Variants in LARGE1 observed in about 807,000 individuals in gnomAD.
The protein encoded by LARGE1 is xylosyl- and glucuronyltransferase LARGE1.
LARGE1 carries 43 observed loss-of-function variants against 87.6 expected under a neutral mutation model. The ratio of observed to expected loss-of-function variants is 0.49; its 90% CI spans 0.38 to 0.63. The LOEUF is 0.63. Among genes scored for constraint, LARGE1 ranks in the 30% least tolerant of loss-of-function variants. LARGE1 has a pLI of 0.00. For missense variants in LARGE1, 802 were observed against 1,000.2 expected (o/e 0.80, Z 2.67); for synonymous variants, 434 against 394.6 (o/e 1.10, Z -1.18).
chr22:33,522,291 G>A (rs760341901), intron 6 of LARGE1, among the ~76,000 whole-genome samples: 1 of 152,198 alleles, frequency 6.6e-6, no homozygotes, highest in Non-Finnish European at 1.5e-5. Context: ...TCTGTCACAG[G>A]CATTTTGTAG....
At chr22:33,099,231 AGAG>A in the LARGE1 span, among the ~76,000 whole-genome samples, 1 of 148,656 alleles carries the variant, frequency 6.7e-6, no homozygotes, top group Admixed American at 6.9e-5. Flanking sequence ...GGAGTGTGGA[AGAG>A]GAGGATGCTA....
chr22:33,890,464 T>C (rs755561581), intron 1 of LARGE1, among the ~76,000 whole-genome samples: 6 of 152,120 alleles, frequency 3.9e-5, no homozygotes, highest in Non-Finnish European at 8.8e-5. Context: ...TTTATCTCTG[T>C]TTCACAAATG....
chr22:33,341,975 A>G (rs78593091), intron 9 of LARGE1, among the ~76,000 whole-genome samples: 1,758 of 152,238 alleles, frequency 0.012, 38 homozygotes, highest in African/African-American at 0.039. Flanking sequence ...CATTCAGGAG[A>G]GTAGAGACGG....
At chr22:33,347,100 A>C (rs1469372565) in intron 9 of LARGE1, among the ~76,000 whole-genome samples, 1 of 151,934 alleles carries the variant, frequency 6.6e-6, no homozygotes, top group African/African-American at 2.4e-5. Context: ...AGAAATTCAA[A>C]CCCCCTACTT....
intron 11 of LARGE1, among the ~76,000 whole-genome samples, chr22:33,259,024 C>T (rs1927471087): frequency 6.6e-6 from 1 of 151,986 alleles, no homozygotes; most frequent in Admixed American, 6.6e-5. Context: ...ATTATGGGCG[C>T]CCGCCACCAC....
At chr22:33,901,665 C>A (rs2146901087) in intron 1 of LARGE1, among the ~76,000 whole-genome samples, 1 of 152,256 alleles carries the variant, frequency 6.6e-6, no homozygotes, top group South Asian at 2.1e-4. Flanking sequence ...AGTGAGATAG[C>A]ATCTCTATAA....
chr22:33,095,373 T>C, the LARGE1 span, among the ~76,000 whole-genome samples: 2 of 152,222 alleles, frequency 1.3e-5, no homozygotes, highest in Non-Finnish European at 2.9e-5. Context: ...TGTTGTCATA[T>C]GGCTTTCTTT....
intron 11 of LARGE1, among the ~76,000 whole-genome samples, chr22:33,218,492 T>C (rs571531020): frequency 1.3e-5 from 2 of 152,270 alleles, no homozygotes; most frequent in Admixed American, 6.5e-5. Context: ...TTGCAAGTGG[T>C]CTCTTCCCTC....
chr22:33,215,530 T>A (rs1925161112), intron 11 of LARGE1, among the ~76,000 whole-genome samples: 1 of 152,244 alleles, frequency 6.6e-6, no homozygotes, highest in Non-Finnish European at 1.5e-5. Flanking sequence ...ATCTTTCCAC[T>A]TTTCAATGGT....
chr22:33,895,986 T>C (rs1225924543), intron 1 of LARGE1, among the ~76,000 whole-genome samples: 2 of 152,156 alleles, frequency 1.3e-5, no homozygotes, highest in African/African-American at 4.8e-5. Context: ...TTTGGTAGAA[T>C]CACACACATT....
At chr22:33,433,607 CAA>C (rs57605083) in intron 6 of LARGE1, among the ~76,000 whole-genome samples, 18,956 of 89,436 alleles carry the variant, frequency 0.21, 695 homozygotes, top group Non-Finnish European at 0.26. Context: ...AAAAACAAAA[CAA>C]AAAAAAAAAA....
intron 2 of LARGE1, among the ~76,000 whole-genome samples, chr22:33,735,291 C>G (rs886866892): frequency 6.6e-6 from 1 of 152,236 alleles, no homozygotes; most frequent in African/African-American, 2.4e-5. Flanking sequence ...TTGTTACTTA[C>G]CTAAAAACTT....
rs571847420 is a variant in LARGE1 at position 33,458,110 on chromosome 22, CT to C, written c.788-25846del. 7.1e-3 allele frequency among the ~76,000 whole-genome samples: 1,014 copies of C among 141,912 alleles called. 2 individuals are homozygous for C. Among genetic ancestry groups the C allele is most frequent in the African/African-American group, 0.02 (777 of 38,782 alleles). 93.1% of individuals were successfully genotyped at this position (141,912 alleles called of 152,430 possible). A position where few individuals can be genotyped will look rare whatever the true frequency, so the allele number is the denominator to read the frequency against. ...AATTTTAAAAATGTCTAATTTTTTT[CT>C]TTTTTTTTTTTTTGAGATGGAGTCT... On this transcript the variant is annotated intron_variant, in intron 6 of 14. Transcript: ENST00000397394.
chr22:33,391,121 G>A (rs563381626), intron 7 of LARGE1, among the ~76,000 whole-genome samples: 18 of 152,238 alleles, frequency 1.2e-4, no homozygotes, highest in African/African-American at 3.1e-4. Flanking sequence ...GTGAGCCACC[G>A]TGCCCAGCCT....
intron 2 of LARGE1, among the ~76,000 whole-genome samples, chr22:33,745,063 T>C (rs1359160376): frequency 6.6e-6 from 1 of 152,118 alleles, no homozygotes; most frequent in South Asian, 2.1e-4. Context: ...AGGGAAGGAA[T>C]TGCCTCAAAG....
intron 3 of LARGE1, among the ~76,000 whole-genome samples, chr22:33,639,010 G>C (rs936210801): frequency 6.6e-6 from 1 of 152,196 alleles, no homozygotes; most frequent in Non-Finnish European, 1.5e-5. Context: ...TATGTGCTGA[G>C]TGGGCTTTTG....
At chr22:33,248,041 C>T (rs900155955) in intron 11 of LARGE1, among the ~76,000 whole-genome samples, 8 of 152,184 alleles carry the variant, frequency 5.3e-5, no homozygotes, top group African/African-American at 1.7e-4. Context: ...AGATTGGAAC[C>T]TCATAACTGA....
At chr22:33,440,639 T>C (rs951035624) in intron 6 of LARGE1, among the ~76,000 whole-genome samples, 1 of 152,194 alleles carries the variant, frequency 6.6e-6, no homozygotes, top group South Asian at 2.1e-4. Flanking sequence ...TAGGAAAACA[T>C]ATAATATCAT....
intron 1 of LARGE1, among the ~76,000 whole-genome samples, chr22:33,817,516 T>C (rs4821184): frequency 0.05 from 7,570 of 152,052 alleles, 263 homozygotes; most frequent in South Asian, 0.21. Context: ...CAGCACGCTA[T>C]CCATTGTTCT....
Sources: allele counts gnomAD v4.1 joint callset (sites outside exome capture counted in the v4.1 genomes callset), GRCh38; gene constraint gnomAD v4.1.1; transcripts MANE v1.5; gene names NCBI Gene and HGNC (gene_info 2026-07-23, HGNC 2026-07-21).